The following GLMN variants were observed in gnomAD, a reference collection of about 807,000 sequenced individuals.
GLMN encodes the protein glomulin, FKBP associated protein.
GLMN carries 75 observed loss-of-function variants against 87.8 expected under a neutral mutation model. The observed-to-expected ratio is 0.85, with a 90% CI of 0.71 to 1.04. The LOEUF is 1.04. Among genes scored for constraint, GLMN ranks in the 50% least tolerant of loss-of-function variants. The pLI, the probability that GLMN is intolerant of heterozygous loss-of-function variation, is 0.00. For missense variants in GLMN, 588 were observed against 658.8 expected, an observed-to-expected ratio of 0.89 and a Z score of 1.18; for synonymous variants, 206 against 221.6, an observed-to-expected ratio of 0.93 and a Z score of 0.63.
At chr1:92,320,095 A>G in the GLMN span, among the ~76,000 whole-genome samples, 2 of 152,134 alleles carry the variant, frequency 1.3e-5, no homozygotes, top group Admixed American at 6.5e-5. Context: ...TTAATTGTAC[A>G]GACAATGATG....
At chr1:92,298,119 T>C in intron 1 of GLMN, 90 bp from the exon 2 acceptor site, 1 of 670,896 alleles carries the variant, frequency 1.5e-6, no homozygotes. Flanking sequence ...TATTAGTAAA[T>C]ACAATAAAGA....
chr1:92,333,429 GA>G, the GLMN span: 7 of 1,613,574 alleles, frequency 4.3e-6, no homozygotes, highest in Middle Eastern at 3.3e-4. Context: ...CAAGTTCCCA[GA>G]ACCAGATTAG....
chr1:92,318,933 A>G, the GLMN span, among the ~76,000 whole-genome samples: 1 of 152,176 alleles, frequency 6.6e-6, no homozygotes, highest in African/African-American at 2.4e-5. Context: ...ATGAGGGCAG[A>G]CTTCTTTAAT....
At chr1:92,256,473 A>T (rs953171431) in intron 16 of GLMN, among the ~76,000 whole-genome samples, 24 of 152,352 alleles carry the variant, frequency 1.6e-4, no homozygotes, top group Non-Finnish European at 2.6e-4. Flanking sequence ...TCAGGCCAAT[A>T]TCCCTGATGA....
At chr1:92,320,376 G>C in the GLMN span, among the ~76,000 whole-genome samples, 1 of 152,040 alleles carries the variant, frequency 6.6e-6, no homozygotes, top group Non-Finnish European at 1.5e-5. Context: ...TGGTTCAAGC[G>C]ATTCTCCTGC....
intron 3 of GLMN, among the ~76,000 whole-genome samples, chr1:92,297,059 A>T (rs1041508842): frequency 6.6e-6 from 1 of 151,830 alleles, no homozygotes; most frequent in African/African-American, 2.4e-5. Flanking sequence ...TTAGTTGTTT[A>T]CATGTTTATG....
chr1:92,310,960 TATA>T, the GLMN span, among the ~76,000 whole-genome samples: 5 of 152,220 alleles, frequency 3.3e-5, no homozygotes, highest in African/African-American at 4.8e-5. Context: ...TTTCGACCAC[TATA>T]ATAAGTGCAT....
At chr1:92,251,404 G>GAA (rs148785850) in intron 16 of GLMN, among the ~76,000 whole-genome samples, 1 of 150,408 alleles carries the variant, frequency 6.6e-6, no homozygotes, top group African/African-American at 2.4e-5. Flanking sequence ...CAAAATAAAA[G>GAA]AAAAAAAAAT....
the GLMN span, among the ~76,000 whole-genome samples, chr1:92,329,758 T>C: frequency 1.3e-5 from 2 of 152,186 alleles, no homozygotes; most frequent in South Asian, 2.1e-4. Flanking sequence ...GATTGAGCTA[T>C]AATAGCCTTT....
chr1:92,309,062 C>T, the GLMN span, among the ~76,000 whole-genome samples: 4 of 152,190 alleles, frequency 2.6e-5, no homozygotes, highest in Admixed American at 6.5e-5. Flanking sequence ...TTTCCCAAAA[C>T]TTGAAGCCCT....
At chr1:92,350,355 G>A in the GLMN span, among the ~76,000 whole-genome samples, 2 of 152,268 alleles carry the variant, frequency 1.3e-5, no homozygotes, top group Non-Finnish European at 2.9e-5. Flanking sequence ...ATATATAACA[G>A]TGATAATTGA....
At position 92,247,074 on chromosome 1, in the gene GLMN, T is replaced by C; in HGVS notation, c.1656A>G (p.Glu552=). The C allele has an allele frequency of 6.5e-7, 1 of 1,528,186 alleles. No homozygotes were observed. Among genetic ancestry groups the C allele is most frequent in the Non-Finnish European group, 9.1e-7 (1 of 1,102,712 alleles). The allele number at this position is 1,528,186 out of a possible 1,614,324, so 94.7% of individuals were successfully genotyped here. ...SGEEIPNMPP[E]MQLKVLHSAL... The stretch of plus-strand genomic sequence containing the variant: ...AATTTCAGATCACCTTAAGCTGCAT[T>C]TCAGGAGGCATATTAGGGATCTCTT... Residue 552 remains glutamate (E), a synonymous_variant, in exon 18 of 19, where the codon GAA becomes GAG. Transcript: ENST00000370360.
At chr1:92,294,785 C>T (rs1286882300) in intron 3 of GLMN, among the ~76,000 whole-genome samples, 1 of 152,004 alleles carries the variant, frequency 6.6e-6, no homozygotes, top group Non-Finnish European at 1.5e-5. Flanking sequence ...TTCAAGCAAT[C>T]CCCCCATCTC....
the GLMN span, among the ~76,000 whole-genome samples, chr1:92,353,496 G>A: frequency 3.3e-5 from 5 of 152,050 alleles, no homozygotes; most frequent in East Asian, 1.9e-4. Flanking sequence ...TACTATACAC[G>A]CAAAATGAGT....
chr1:92,255,082 AG>A (rs1345757264), intron 16 of GLMN, among the ~76,000 whole-genome samples: 1 of 150,048 alleles, frequency 6.7e-6, no homozygotes, highest in Non-Finnish European at 1.5e-5. Context: ...GCAAACGGAA[AG>A]AAAAAAAAAA....
chr1:92,324,702 G>A, the GLMN span, among the ~76,000 whole-genome samples: 21 of 151,808 alleles, frequency 1.4e-4, no homozygotes, highest in Admixed American at 6.6e-4. Context: ...TTTCTTCTTC[G>A]GTATTCTTTC....
At chr1:92,305,969 C>T in the GLMN span, among the ~76,000 whole-genome samples, 3 of 152,008 alleles carry the variant, frequency 2.0e-5, no homozygotes, top group African/African-American at 7.3e-5. Flanking sequence ...CACATGTACA[C>T]CAGCATGTAT....
the GLMN span, chr1:92,320,551 T>G: frequency 2.0e-5 from 32 of 1,565,848 alleles, no homozygotes; most frequent in Non-Finnish European, 2.5e-5. Context: ...GTTACAGGCA[T>G]GAGCCACCGC....
chr1:92,309,361 G>C, the GLMN span, among the ~76,000 whole-genome samples: 3 of 150,962 alleles, frequency 2.0e-5, no homozygotes, highest in African/African-American at 4.9e-5. Context: ...AGAATTGCTT[G>C]AACCTGGGAG....
Sources: gnomAD v4.1 joint callset for allele counts (sites outside exome capture counted in the v4.1 genomes callset) on GRCh38, gnomAD v4.1.1 for gene constraint, MANE v1.5 for transcripts, NCBI Gene and HGNC (gene_info 2026-07-23, HGNC 2026-07-21) for gene names.